Variants in NEK11 observed in about 807,000 individuals in gnomAD.
The protein encoded by NEK11 is serine/threonine-protein kinase Nek11.
A neutral mutation model predicts 80.7 loss-of-function variants in NEK11; 72 were observed. The ratio of observed to expected loss-of-function variants is 0.89; its 90% confidence interval spans 0.74 to 1.08. The LOEUF is 1.08. NEK11 is among the 50% of genes least tolerant of loss of function. NEK11 has a pLI of 0.00. For synonymous variants in NEK11, 251 were observed against 260.7 expected (o/e 0.96, Z 0.36); for missense variants, 764 against 763.6 (o/e 1.00, Z -0.01).
chr3:131,337,158 A>T (rs1432278556), intron 17 of NEK11, among the ~76,000 whole-genome samples: 14 of 152,196 alleles, frequency 9.2e-5, no homozygotes, highest in Admixed American at 9.2e-4. Flanking sequence ...ATAAAGACAC[A>T]TGCACACGTA....
chr3:131,104,056 G>A (rs762735370), intron 4 of NEK11, among the ~76,000 whole-genome samples: 6 of 152,224 alleles, frequency 3.9e-5, no homozygotes, highest in Non-Finnish European at 7.3e-5. Flanking sequence ...AAGCTTGGGA[G>A]TAGGTGGGGT....
intron 14 of NEK11, among the ~76,000 whole-genome samples, chr3:131,186,363 C>T (rs2093600753): frequency 6.6e-6 from 1 of 152,008 alleles, no homozygotes; most frequent in African/African-American, 2.4e-5. Flanking sequence ...AACTTAGTAC[C>T]AAAATAAATT....
At chr3:131,072,590 G>T (rs1386999106) in intron 3 of NEK11, among the ~76,000 whole-genome samples, 1 of 152,126 alleles carries the variant, frequency 6.6e-6, no homozygotes, top group Non-Finnish European at 1.5e-5. Flanking sequence ...CTCAGGTTGT[G>T]GGGGAGAAAG....
intron 13 of NEK11, 52 bp downstream of exon 13, chr3:131,168,989 C>A (rs772186789): frequency 1.4e-6 from 2 of 1,390,716 alleles, no homozygotes; most frequent in South Asian, 1.2e-5. Context: ...TTAATGATAT[C>A]CAGAGAACAA....
At chr3:131,122,909 T>C (rs906757695) in intron 5 of NEK11, among the ~76,000 whole-genome samples, 1 of 152,062 alleles carries the variant, frequency 6.6e-6, no homozygotes, top group African/African-American at 2.4e-5. Flanking sequence ...CTTAACCAGA[T>C]CACTTGGGTG....
intron 14 of NEK11, among the ~76,000 whole-genome samples, chr3:131,178,295 A>G (rs115497106): frequency 0.015 from 2,255 of 152,290 alleles, 61 homozygotes; most frequent in African/African-American, 0.051. Context: ...ATTTATTTTG[A>G]AAATATTTTT....
intron 3 of NEK11, among the ~76,000 whole-genome samples, chr3:131,056,937 G>T (rs185674321): frequency 0.025 from 3,814 of 151,626 alleles, 137 homozygotes; most frequent in African/African-American, 0.071. Context: ...TGCACAATGT[G>T]CAGGTTAGTT....
chr3:131,177,290 T>C (rs2093078718), intron 14 of NEK11, among the ~76,000 whole-genome samples: 1 of 152,250 alleles, frequency 6.6e-6, no homozygotes. Context: ...ATAATTTCTG[T>C]CATCTGCAGT....
Position 131,291,186 on chromosome 3 carries a change from T to A in NEK11, c.1718+17612T>A, listed in dbSNP as rs142401302. Among the ~76,000 whole-genome samples the A allele has an allele frequency of 4.7e-4, 72 of 152,368 alleles. No homozygotes were observed. In the East Asian group the frequency reaches 0.013, roughly 28 times the overall value. ...ATGTCATATAGTTGTAATGATATAG[T>A]ATGTGCCCCTTTTCAGTTTGGCTTC... On this transcript the variant is annotated intron_variant, in intron 17 of 17. Transcript: ENST00000383366.
chr3:131,106,979 T>C (rs2079277935), intron 4 of NEK11, among the ~76,000 whole-genome samples: 1 of 152,160 alleles, frequency 6.6e-6, no homozygotes, highest in Non-Finnish European at 1.5e-5. Flanking sequence ...CTGATATTTG[T>C]AGAAAAGACT....
chr3:131,207,817 A>AT (rs1011862646), intron 14 of NEK11, among the ~76,000 whole-genome samples: 26 of 151,706 alleles, frequency 1.7e-4, no homozygotes, highest in African/African-American at 6.3e-4. Context: ...GGGTTGTTTG[A>AT]TTTTTTCTTG....
At chr3:131,049,156 T>C (rs1485115442) in intron 3 of NEK11, among the ~76,000 whole-genome samples, 1 of 152,270 alleles carries the variant, frequency 6.6e-6, no homozygotes, top group African/African-American at 2.4e-5. Context: ...TAAAACACAT[T>C]TTAAATTTTC....
chr3:131,287,705 G>A (rs998201317), intron 17 of NEK11, among the ~76,000 whole-genome samples: 3 of 152,108 alleles, frequency 2.0e-5, no homozygotes, highest in Non-Finnish European at 4.4e-5. Context: ...TGACCTACTT[G>A]CCACAAGTCC....
intron 14 of NEK11, among the ~76,000 whole-genome samples, chr3:131,185,815 A>G (rs551091458): frequency 3.3e-5 from 5 of 152,358 alleles, no homozygotes; most frequent in African/African-American, 1.2e-4. Context: ...ATATTCGTAC[A>G]CATTTCAGAA....
At chr3:131,226,828 G>A (rs1317485221) in intron 14 of NEK11, among the ~76,000 whole-genome samples, 1 of 152,002 alleles carries the variant, frequency 6.6e-6, no homozygotes, top group Non-Finnish European at 1.5e-5. Flanking sequence ...AGGTATTGAA[G>A]TTCTATATGC....
chr3:131,082,919 A>G (rs7611546), intron 4 of NEK11, among the ~76,000 whole-genome samples: 24,616 of 152,212 alleles, frequency 0.16, 2,105 homozygotes, highest in Middle Eastern at 0.19. Flanking sequence ...TCTAAGACCA[A>G]GGACATTCTT....
chr3:131,349,476 A>G (rs1273671120), intron 17 of NEK11, 81 bp from the exon 18 acceptor site: 1 of 1,191,648 alleles, frequency 8.4e-7, no homozygotes, highest in Non-Finnish European at 1.2e-6. Flanking sequence ...ATGTTTGTAA[A>G]ATCAATGATT....
chr3:131,206,675 ATTTT>A (rs544108832), intron 14 of NEK11, among the ~76,000 whole-genome samples: 1 of 152,004 alleles, frequency 6.6e-6, no homozygotes, highest in South Asian at 2.1e-4. Flanking sequence ...TTATTTATTT[ATTTT>A]TTTATTATAC....
chr3:131,243,648 A>C (rs1469386), intron 16 of NEK11, 152 bp downstream of exon 16: 7 of 632,914 alleles, frequency 1.1e-5, no homozygotes, highest in Middle Eastern at 2.7e-4. Flanking sequence ...CTGACCCAAA[A>C]GCCAGGAAAC....
Sources: gnomAD v4.1 joint callset for allele counts (sites outside exome capture counted in the v4.1 genomes callset) on GRCh38, gnomAD v4.1.1 for gene constraint, MANE v1.5 for transcripts, NCBI Gene and HGNC (gene_info 2026-07-23, HGNC 2026-07-21) for gene names.